DCST1: variants seen among roughly 807,000 people sequenced by gnomAD.
DCST1 encodes DC-STAMP domain containing 1.
DCST1 carries 78 observed loss-of-function variants against 89.1 expected under a neutral mutation model. The ratio of observed to expected loss-of-function variants is 0.88; its 90% confidence interval spans 0.73 to 1.06. The LOEUF (loss-of-function observed/expected upper bound fraction) is 1.06. DCST1 is among the 50% of genes least tolerant of loss of function. The pLI is 0.00. For synonymous variants in DCST1, 364 were observed against 371.9 expected, an observed-to-expected ratio of 0.98 and a Z score of 0.24; for missense variants, 900 against 928.6, an observed-to-expected ratio of 0.97 and a Z score of 0.40.
intron 3 of DCST1, 24 bp downstream of exon 3, chr1:155,034,584 G>T: frequency 6.2e-7 from 1 of 1,613,940 alleles, no homozygotes; most frequent in Non-Finnish European, 8.5e-7. Context: ...CAGAAAGTTC[G>T]GGGTGGGCAG....
At chr1:155,047,357 G>C (rs1343273116) in intron 14 of DCST1, 45 bp downstream of exon 14, 1 of 1,549,774 alleles carries the variant, frequency 6.5e-7, no homozygotes, top group African/African-American at 1.4e-5. Context: ...GAGGGCGGTG[G>C]GGCAAGGGTC....
At chr1:155,034,891 G>T in intron 4 of DCST1, 164 bp downstream of exon 4, 1 of 700,302 alleles carries the variant, frequency 1.4e-6, no homozygotes, top group Non-Finnish European at 2.4e-6. Flanking sequence ...GGAAGAGGCT[G>T]CCAATTTAAG....
chr1:155,041,021 GC>G (rs1331801496), intron 6 of DCST1, among the ~76,000 whole-genome samples: 1 of 152,078 alleles, frequency 6.6e-6, no homozygotes, highest in Non-Finnish European at 1.5e-5. Context: ...GGACATGGGG[GC>G]TGAGGGGTTT....
intron 8 of DCST1, among the ~76,000 whole-genome samples, chr1:155,042,526 T>G (rs1660467629): frequency 6.6e-6 from 1 of 152,130 alleles, no homozygotes; most frequent in African/African-American, 2.4e-5. Context: ...GAGGATAGAT[T>G]GACAAAAATG....
intron 10 of DCST1, among the ~76,000 whole-genome samples, chr1:155,044,107 G>A (rs539927688): frequency 3.3e-5 from 5 of 152,236 alleles, no homozygotes; most frequent in African/African-American, 7.2e-5. Flanking sequence ...GGGGCCTAGA[G>A]TGACTGCAAG....
Position 155,050,683 on chromosome 1 carries a change from T to A in DCST1, c.1936T>A (p.Cys646Ser). The change falls in exon 17 of 17, where the codon TGC (cysteine) becomes AGC (serine). Residue 646 changes from cysteine to serine, a missense_variant. By Grantham distance (112) the Cys-to-Ser change is moderately radical (BLOSUM62 -1). Coordinates refer to ENST00000295542, the MANE Select transcript of DCST1 (RefSeq NM_152494.4). ...CCTGCGCCGCTGGCTGTGCCGGCGC[T>A]GCGTGGTGTGCCAGGCACCCGAGAC... is the stretch of plus-strand genomic sequence containing the variant. Reference protein sequence around the residue: ...PLLRRWLCRRCVVCQAPETPE... With the variant: ...PLLRRWLCRRSVVCQAPETPE... 6.2e-7 allele frequency: 1 copy of A among 1,603,810 alleles called. No individual in the cohort carries two copies. The highest frequency in any genetic ancestry group is 8.5e-7 in the Non-Finnish European group (1 of 1,176,716).
intron 8 of DCST1, among the ~76,000 whole-genome samples, chr1:155,042,301 G>A (rs974338932): frequency 3.3e-5 from 5 of 152,124 alleles, no homozygotes; most frequent in East Asian, 1.9e-4. Flanking sequence ...GTTTCACCAC[G>A]TTGACCAAGC....
At chr1:155,034,376 T>C in intron 2 of DCST1, 59 bp from the exon 3 acceptor site, 2 of 1,612,546 alleles carry the variant, frequency 1.2e-6, no homozygotes, top group Non-Finnish European at 1.7e-6. Context: ...CCCTGAATCC[T>C]AATGAGCCCC....
intron 1 of DCST1, 30 bp downstream of exon 1, chr1:155,033,884 C>A (rs184506458): frequency 7.8e-7 from 1 of 1,278,916 alleles, no homozygotes; most frequent in Admixed American, 2.3e-5. Context: ...CCCCACTTCT[C>A]GGAGCAGAAG....
chr1:155,048,979 G>A, intron 16 of DCST1: 1 of 716,288 alleles, frequency 1.4e-6, no homozygotes, highest in Admixed American at 2.0e-5. Context: ...ATTAAGTTGT[G>A]TCACCTTGGC....
At position 155,050,877 on chromosome 1, in the gene DCST1, C is replaced by G; in HGVS notation, c.*9C>G. 1 of 1,606,290 alleles carries G rather than the reference C, an allele frequency of 6.2e-7. No individual in the cohort carries two copies. Among genetic ancestry groups the G allele is most frequent in the Non-Finnish European group, 8.5e-7 (1 of 1,174,220 alleles). On this transcript the variant is annotated 3_prime_UTR_variant, in exon 17 of 17. Transcript: ENST00000295542. ...CTGCCTACGCGGGGTGAAGAGGCGT[C>G]CTGCTCGCTCTTCCGCACCGTCCTT...
At chr1:155,048,606 G>A (rs188473646) in intron 16 of DCST1, among the ~76,000 whole-genome samples, 54 of 152,220 alleles carry the variant, frequency 3.5e-4, no homozygotes, top group African/African-American at 1.3e-3. Context: ...AGCCAAGCCC[G>A]GTGTAATCTG....
chr1:155,041,130 G>C (rs575303412), intron 6 of DCST1, among the ~76,000 whole-genome samples: 4 of 152,148 alleles, frequency 2.6e-5, no homozygotes, highest in Non-Finnish European at 5.9e-5. Flanking sequence ...GAAGGGTCTG[G>C]GATGGGAGGA....
chr1:155,046,217 T>C lies in DCST1; in HGVS notation c.1365T>C (p.Asn455=), dbSNP rs1410285433. The C allele has an allele frequency of 2.5e-6, 4 of 1,614,100 alleles. No homozygotes were observed. The highest frequency in any genetic ancestry group is 1.6e-4 in the Middle Eastern group (1 of 6,062). ...KPTIQASEMS[N]VVRELLETLP... ...CCATCCAGGCCTCAGAAATGAGCAATGTGGTGAGGACAGCATGGGGAGCGG... is the reference window on the plus strand; with the variant it reads ...CCATCCAGGCCTCAGAAATGAGCAACGTGGTGAGGACAGCATGGGGAGCGG... Residue 455 remains asparagine (N), a synonymous_variant, in exon 12 of 17, where the codon AAT becomes AAC. Coordinates refer to ENST00000295542, the MANE Select transcript of DCST1 (RefSeq NM_152494.4).
chr1:155,034,717 C>T lies in DCST1; in HGVS notation c.252C>T (p.Tyr84=). Residue 84 remains tyrosine (Y), a synonymous_variant, in exon 4 of 17, where the codon TAC becomes TAT. Transcript: ENST00000295542. ...IYEEQKIMFL[Y]SLVGLGAMGW... ...AAGAACAGAAGATTATGTTCTTGTA[C>T]AGCTTGGTGGGTTAGTGCTGGGCAA... 1 of 1,614,180 alleles carries T rather than the reference C, an allele frequency of 6.2e-7. No homozygotes were observed. The highest frequency in any genetic ancestry group is 8.5e-7 in the Non-Finnish European group (1 of 1,180,038).
At chr1:155,038,320 C>T (rs1453908801) in intron 4 of DCST1, among the ~76,000 whole-genome samples, 1 of 152,180 alleles carries the variant, frequency 6.6e-6, no homozygotes, top group Non-Finnish European at 1.5e-5. Context: ...TTAGGGAGTT[C>T]GGATTTTATA....
chr1:155,039,420 T>C lies in DCST1; in HGVS notation c.280T>C (p.Trp94Arg), dbSNP rs1299421783. 1 of 1,593,784 alleles carries C rather than the reference T, an allele frequency of 6.3e-7. No homozygotes were observed. The highest frequency in any genetic ancestry group is 1.3e-5 in the African/African-American group (1 of 74,336). Residue 94 changes from tryptophan to arginine, a missense_variant, in exon 5 of 17, where the codon TGG becomes CGG. By Grantham distance (101) the Trp-to-Arg change is moderately radical (BLOSUM62 -3). Coordinates refer to ENST00000295542, the MANE Select transcript of DCST1 (RefSeq NM_152494.4). ...YSLVGLGAMG[W>R]GTSPHIRCAS... is the part of the protein sequence containing the mutation. ...CCTGACAGGCTTGGGGGCCATGGGCTGGGGGACCTCCCCTCACATCCGCTG... is the reference window on the plus strand; with the variant it reads ...CCTGACAGGCTTGGGGGCCATGGGCCGGGGGACCTCCCCTCACATCCGCTG...
At chr1:155,046,715 C>T (rs559907779) in intron 13 of DCST1, among the ~76,000 whole-genome samples, 10 of 147,896 alleles carry the variant, frequency 6.8e-5, no homozygotes, top group African/African-American at 2.5e-4. Flanking sequence ...AAGCAGTTCT[C>T]CTGCCTCAGC....
rs1169601543 is a variant in DCST1, at chr1:155,039,433, C to T, written c.293C>T (p.Pro98Leu). The T allele has an allele frequency of 3.8e-6, 6 of 1,597,548 alleles. No homozygotes were observed. Among genetic ancestry groups the T allele is most frequent in the Non-Finnish European group, 5.1e-6 (6 of 1,171,848 alleles). ...GLGAMGWGTSPHIRCASLLLV... is the reference protein window; with the variant it reads ...GLGAMGWGTSLHIRCASLLLV... ...GGGGCCATGGGCTGGGGGACCTCCC[C>T]TCACATCCGCTGTGCCAGCCTCCTA... Residue 98 changes from proline to leucine, a missense_variant, in exon 5 of 17, where the codon CCT becomes CTT. Pro to Leu is a moderately conservative substitution (Grantham distance 98). Transcript: ENST00000295542.
Sources: allele counts gnomAD v4.1 joint callset (sites outside exome capture counted in the v4.1 genomes callset), GRCh38; gene constraint gnomAD v4.1.1; transcripts MANE v1.5; gene names NCBI Gene and HGNC (gene_info 2026-07-23, HGNC 2026-07-21).